The following PHYHIPL variants were observed in gnomAD, a reference collection of about 807,000 sequenced individuals.
PHYHIPL encodes the protein phytanoyl-CoA 2-hydroxylase interacting protein like.
In PHYHIPL, 9 loss-of-function variants were observed where a neutral mutation model predicts 33.4. The ratio of observed to expected loss-of-function variants is 0.27; its 90% CI spans 0.16 to 0.47. The LOEUF (loss-of-function observed/expected upper bound fraction) is 0.47. Among genes scored for constraint, PHYHIPL ranks in the 20% least tolerant of loss-of-function variants. PHYHIPL has a pLI of 0.99. For missense variants in PHYHIPL, 365 were observed against 460.7 expected (o/e 0.79, Z 1.90); for synonymous variants, 153 against 154.1 (o/e 0.99, Z 0.05).
At chr10:59,177,339 C>T (rs1838281099) in intron 1 of PHYHIPL, 1 of 844,904 alleles carries the variant, frequency 1.2e-6, no homozygotes, top group Non-Finnish European at 1.7e-6. Context: ...CGGGATGTTT[C>T]TAGCAACCCC....
intron 1 of PHYHIPL, among the ~76,000 whole-genome samples, chr10:59,208,629 G>T (rs1187811300): frequency 6.6e-6 from 1 of 151,974 alleles, no homozygotes; most frequent in Admixed American, 6.5e-5. Flanking sequence ...AAACTCCTTT[G>T]AGCTAAAGGA....
intron 1 of PHYHIPL, among the ~76,000 whole-genome samples, chr10:59,225,997 T>C (rs1839912005): frequency 6.6e-6 from 1 of 151,962 alleles, no homozygotes; most frequent in South Asian, 2.1e-4. Flanking sequence ...GTCAGAAAAA[T>C]GACAATTCTG....
rs1477111521 is a variant in PHYHIPL, at chr10:59,208,801, TTG to T, written c.107-25502_107-25501del. On this transcript the variant is annotated intron_variant, in intron 1 of 4. Coordinates refer to ENST00000373880, the MANE Select transcript of PHYHIPL (RefSeq NM_032439.4). ...GCATACACAAGTATCAATAGCCGAA[TTG>T]ATCAAGCAGAAGAAAAGATATCAGA... Among the ~76,000 whole-genome samples, 8 of 151,954 alleles carry T rather than the reference TTG, an allele frequency of 5.3e-5. No homozygotes were observed. The East Asian group carries it at 1.6e-3, about 30-fold the overall frequency.
intron 1 of PHYHIPL, among the ~76,000 whole-genome samples, chr10:59,230,060 C>T (rs1840034371): frequency 6.6e-6 from 1 of 152,028 alleles, no homozygotes; most frequent in Admixed American, 6.6e-5. Flanking sequence ...AGGTATGTGA[C>T]TTTGAAGGTA....
chr10:59,185,083 C>T (rs951467748), intron 1 of PHYHIPL, among the ~76,000 whole-genome samples: 10 of 149,530 alleles, frequency 6.7e-5, no homozygotes, highest in Non-Finnish European at 1.3e-4. Flanking sequence ...CTCCGCCTCC[C>T]AGGTTCACGC....
intron 1 of PHYHIPL, among the ~76,000 whole-genome samples, chr10:59,224,340 T>A (rs1564454920): frequency 6.6e-6 from 1 of 151,938 alleles, no homozygotes; most frequent in African/African-American, 2.4e-5. Context: ...GAGTCTTACC[T>A]AGCCACAAGG....
intron 3 of PHYHIPL, among the ~76,000 whole-genome samples, chr10:59,237,675 A>T (rs1840266354): frequency 6.6e-6 from 1 of 151,852 alleles, no homozygotes; most frequent in Admixed American, 6.6e-5. Flanking sequence ...GCACTGTACA[A>T]TGTATTGGAA....
rs776573606 is a variant in PHYHIPL, at chr10:59,236,578, A to C, written c.399A>C (p.Ala133=). 20 of 1,610,898 alleles carry C rather than the reference A, an allele frequency of 1.2e-5. No homozygotes were observed. The highest frequency in any genetic ancestry group is 2.2e-5 in the East Asian group (1 of 44,802). The change falls in exon 3 of 5, where the codon GCA becomes GCC. Residue 133 remains alanine, a synonymous_variant. Coordinates refer to ENST00000373880, the MANE Select transcript of PHYHIPL (RefSeq NM_032439.4). ...FLSPRTEYTV[A]VQTASKQVDG... is the part of the protein sequence containing the mutation. ...GCCCAAGAACTGAATATACAGTAGC[A>C]GTGCAGACTGCCTCAAAACAAGTTG...
At position 59,185,453 on chromosome 10, in the gene PHYHIPL, G is replaced by T. The variant is rs955278402; in HGVS notation, c.106+8494G>T. Among the ~76,000 whole-genome samples, 360 of 152,272 alleles carry T rather than the reference G, an allele frequency of 2.4e-3. 2 individuals carry two copies. Among genetic ancestry groups the T allele is most frequent in the African/African-American group, 7.8e-3 (326 of 41,560 alleles). ...TGTGCATGTGTCTTTATAGCAGCAT[G>T]ATTTATAATCCTTTGGGTATATACC... On this transcript the variant is annotated intron_variant, in intron 1 of 4. Transcript: ENST00000373880.
upstream of PHYHIPL, among the ~76,000 whole-genome samples, chr10:59,175,907 G>C (rs550367722): frequency 1.3e-5 from 2 of 152,184 alleles, no homozygotes; most frequent in Non-Finnish European, 2.9e-5. Flanking sequence ...AGACTGCGTG[G>C]CTGCTGGTCC....
Position 59,180,314 on chromosome 10 carries a change from GTATATATATATATATATATATATA to G in PHYHIPL, c.106+3380_106+3403del, listed in dbSNP as rs35898292. ...TATATAATATATATATATAGAAAAA[GTATATATATATATATATATATATA>G]TATATATATATATATATATATATAC... On this transcript the variant is annotated intron_variant, in intron 1 of 4. Coordinates refer to ENST00000373880, the MANE Select transcript of PHYHIPL (RefSeq NM_032439.4). 4.4e-3 allele frequency among the ~76,000 whole-genome samples: 381 copies of G among 86,154 alleles called. 1 individual carries two copies. The highest frequency in any genetic ancestry group is 0.011 in the Middle Eastern group (2 of 174). 56.5% of individuals were successfully genotyped at this position (86,154 alleles called of 152,430 possible). A position where few individuals can be genotyped will look rare whatever the true frequency, so the allele number is the denominator to read the frequency against.
At position 59,247,576 on chromosome 10, in the gene PHYHIPL, A is replaced by G; in HGVS notation, c.*1985A>G. On this transcript the variant is annotated 3_prime_UTR_variant, in exon 5 of 5. Transcript: ENST00000373880. ...GGCAGAGGAAAATAAACTTTACTTT[A>G]TATCATGGGTGAAAGTGATCATAAC... 1 of 1,611,756 alleles carries G rather than the reference A, an allele frequency of 6.2e-7. No homozygotes were observed. The highest frequency in any genetic ancestry group is 8.5e-7 in the Non-Finnish European group (1 of 1,179,114).
chr10:59,210,661 G>A (rs1406352500), intron 1 of PHYHIPL, among the ~76,000 whole-genome samples: 2 of 152,184 alleles, frequency 1.3e-5, no homozygotes, highest in African/African-American at 2.4e-5. Flanking sequence ...CAATAGCAAA[G>A]AGTTGGAACC....
intron 1 of PHYHIPL, among the ~76,000 whole-genome samples, chr10:59,187,472 G>A (rs973787601): frequency 2.6e-5 from 4 of 152,238 alleles, no homozygotes; most frequent in African/African-American, 9.6e-5. Flanking sequence ...GGATGATGCT[G>A]GCCTCATAAA....
intron 1 of PHYHIPL, among the ~76,000 whole-genome samples, chr10:59,192,042 C>T (rs1024680911): frequency 6.6e-6 from 1 of 152,018 alleles, no homozygotes; most frequent in Non-Finnish European, 1.5e-5. Flanking sequence ...CTTTGTAAAA[C>T]TTTACTTGAG....
chr10:59,177,144 C>T (rs1431812937), intron 1 of PHYHIPL, 185 bp downstream of exon 1: 2 of 614,556 alleles, frequency 3.3e-6, no homozygotes, highest in South Asian at 2.2e-5. Flanking sequence ...ACAAAAGGAC[C>T]CCGGGGCTCG....
chr10:59,213,778 C>G (rs1839533245), intron 1 of PHYHIPL, among the ~76,000 whole-genome samples: 1 of 152,076 alleles, frequency 6.6e-6, no homozygotes, highest in African/African-American at 2.4e-5. Flanking sequence ...CAAAAAACAC[C>G]CACTACAACA....
At chr10:59,176,114 G>A (rs1257613926), upstream of PHYHIPL, among the ~76,000 whole-genome samples, 1 of 152,310 alleles carries the variant, frequency 6.6e-6, no homozygotes, top group South Asian at 2.1e-4. Context: ...AGCTGTTTCC[G>A]AGGAATGTCC....
intron 1 of PHYHIPL, among the ~76,000 whole-genome samples, chr10:59,203,220 C>A (rs1023018534): frequency 5.3e-5 from 8 of 152,074 alleles, no homozygotes; most frequent in Non-Finnish European, 8.8e-5. Flanking sequence ...CAATGAGATA[C>A]CATCTCACAC....
Sources: gnomAD v4.1 joint callset for allele counts (sites outside exome capture counted in the v4.1 genomes callset) on GRCh38, gnomAD v4.1.1 for gene constraint, MANE v1.5 for transcripts, NCBI Gene and HGNC (gene_info 2026-07-23, HGNC 2026-07-21) for gene names.